Variants in MALRD1 observed in about 807,000 individuals in gnomAD.
MALRD1 encodes the protein MAM and LDL-receptor class A domain-containing protein 1.
A neutral mutation model predicts 242.1 loss-of-function variants in MALRD1; 247 were observed. The ratio of observed to expected loss-of-function variants is 1.02; its 90% CI spans 0.92 to 1.13. MALRD1 has a LOEUF of 1.13. Ranked by LOEUF, MALRD1 falls within the 50% of genes most tolerant of loss-of-function variation. The pLI is 0.00. For synonymous variants in MALRD1, 995 were observed against 866.6 expected (o/e 1.15, Z -2.60); for missense variants, 2,989 against 2,533.1 (o/e 1.18, Z -3.86).
intron 32 of MALRD1, among the ~76,000 whole-genome samples, chr10:19,546,787 C>G (rs1373884819): frequency 6.6e-6 from 1 of 152,090 alleles, no homozygotes; most frequent in Non-Finnish European, 1.5e-5. Context: ...ACCTGTGATC[C>G]TGATTTTCCA....
At chr10:19,582,194 T>C (rs1374212248) in intron 33 of MALRD1, among the ~76,000 whole-genome samples, 6 of 152,220 alleles carry the variant, frequency 3.9e-5, no homozygotes, top group Admixed American at 3.3e-4. Context: ...CTGATGGTAG[T>C]TTCTTTTGCT....
intron 32 of MALRD1, among the ~76,000 whole-genome samples, chr10:19,537,465 A>G (rs1050082889): frequency 5.3e-5 from 8 of 152,190 alleles, no homozygotes; most frequent in African/African-American, 1.9e-4. Flanking sequence ...GTGACTTCAC[A>G]TGATGGAAAA....
chr10:19,399,080 T>C (rs1440849920), intron 28 of MALRD1, among the ~76,000 whole-genome samples: 1 of 152,166 alleles, frequency 6.6e-6, no homozygotes, highest in East Asian at 1.9e-4. Context: ...TATTATAAGA[T>C]CTGAGAGAAG....
chr10:19,637,373 G>A (rs1313167995), intron 36 of MALRD1, among the ~76,000 whole-genome samples: 7 of 152,126 alleles, frequency 4.6e-5, no homozygotes, highest in Admixed American at 1.3e-4. Context: ...AATGATTAAG[G>A]ACAGTAGAAA....
intron 5 of MALRD1, among the ~76,000 whole-genome samples, chr10:19,110,118 C>T (rs1836624222): frequency 6.6e-6 from 1 of 152,210 alleles, no homozygotes; most frequent in Admixed American, 6.5e-5. Flanking sequence ...GGTGCTTTCC[C>T]TCAGCTGCTG....
chr10:19,488,754 G>T (rs1837339956), intron 29 of MALRD1: 2 of 223,754 alleles, frequency 8.9e-6, no homozygotes, highest in Admixed American at 4.9e-5. Context: ...TTTATTAGGG[G>T]GTTTGGATTT....
intron 24 of MALRD1, among the ~76,000 whole-genome samples, chr10:19,335,761 A>G (rs1005334571): frequency 1.3e-5 from 2 of 152,204 alleles, no homozygotes; most frequent in Non-Finnish European, 2.9e-5. Flanking sequence ...AGAATGAAAG[A>G]AATCAACTCT....
At chr10:19,086,258 C>A (rs1835665179) in intron 2 of MALRD1, among the ~76,000 whole-genome samples, 1 of 151,978 alleles carries the variant, frequency 6.6e-6, no homozygotes, top group Non-Finnish European at 1.5e-5. Flanking sequence ...CATAATTTTA[C>A]TATTGATTCT....
At position 19,251,805 on chromosome 10, in the gene MALRD1, G is replaced by C. The variant is rs114684072; in HGVS notation, c.2992-5879G>C. Among the ~76,000 whole-genome samples the C allele has an allele frequency of 4.4e-3, 664 of 152,112 alleles. 7 individuals are homozygous for C. Among genetic ancestry groups the C allele is most frequent in the African/African-American group, 0.015 (634 of 41,536 alleles). ...AATCCCCAGTGTTGGGGGCAGGACT[G>C]GTGAAAGTGATTGGATCATAGGGGC... On this transcript the variant is annotated intron_variant, in intron 18 of 39. Transcript: ENST00000454679.
At chr10:19,563,715 G>T (rs3852477) in intron 32 of MALRD1, among the ~76,000 whole-genome samples, 124,700 of 152,146 alleles carry the variant, frequency 0.82, 51,410 homozygotes, top group East Asian at 0.89. Context: ...CCTAATCATT[G>T]TCTTTCAAGG....
At chr10:19,609,496 G>T (rs556166193) in intron 35 of MALRD1, among the ~76,000 whole-genome samples, 1 of 151,874 alleles carries the variant, frequency 6.6e-6, no homozygotes, top group Admixed American at 6.6e-5. Flanking sequence ...TTCTTTTAAG[G>T]TCAGCATTTA....
intron 36 of MALRD1, among the ~76,000 whole-genome samples, chr10:19,659,171 T>G (rs1841306126): frequency 6.6e-6 from 1 of 152,216 alleles, no homozygotes; most frequent in Admixed American, 6.5e-5. Context: ...TGCTTTAGCC[T>G]TTATACTTCT....
chr10:19,581,265 A>T (rs1049180334), intron 33 of MALRD1, among the ~76,000 whole-genome samples: 2 of 151,358 alleles, frequency 1.3e-5, no homozygotes, highest in Non-Finnish European at 2.9e-5. Context: ...CATGTGCACA[A>T]TGTGCAGGTT....
chr10:19,466,882 A>AT (rs1280019070), intron 29 of MALRD1, among the ~76,000 whole-genome samples: 1 of 152,062 alleles, frequency 6.6e-6, no homozygotes, highest in African/African-American at 2.4e-5. Context: ...CAGGTGTGGA[A>AT]TTTTTCACTG....
intron 2 of MALRD1, among the ~76,000 whole-genome samples, chr10:19,074,160 G>C (rs1335069281): frequency 6.6e-6 from 1 of 152,070 alleles, no homozygotes; most frequent in South Asian, 2.1e-4. Context: ...CACCTGAACT[G>C]TTTCCTTGCC....
intron 31 of MALRD1, among the ~76,000 whole-genome samples, chr10:19,520,899 A>G (rs1364945444): frequency 6.6e-6 from 1 of 152,178 alleles, no homozygotes; most frequent in African/African-American, 2.4e-5. Context: ...TACCATCTGA[A>G]TCAGATACCC....
chr10:19,409,280 G>A (rs565545919), intron 28 of MALRD1, among the ~76,000 whole-genome samples: 1 of 152,144 alleles, frequency 6.6e-6, no homozygotes, highest in South Asian at 2.1e-4. Context: ...TGAAATGACC[G>A]AATTCCTTCA....
rs1478958785 is a variant in MALRD1, at chr10:19,491,533, G to A, written c.5046G>A (p.Glu1682=). The A allele has an allele frequency of 3.2e-6, 5 of 1,549,870 alleles. No homozygotes were observed. Among genetic ancestry groups the A allele is most frequent in the Admixed American group, 2.0e-5 (1 of 50,980 alleles). The change falls in exon 30 of 40, where the codon GAG becomes GAA. Residue 1682 remains glutamate, a synonymous_variant. Transcript: ENST00000454679. ...TTTCCCTAGTGGGAGAGATCTCTGA[G>A]CTTTGTCCGGAAATCACTGATTTTT... ...KNCTTVGEIS[E]LCPEITDFLC... is the part of the protein sequence containing the mutation.
intron 32 of MALRD1, among the ~76,000 whole-genome samples, chr10:19,533,449 AT>A (rs1235629990): frequency 2.0e-5 from 3 of 152,134 alleles, no homozygotes; most frequent in African/African-American, 7.2e-5. Flanking sequence ...TGGTGGGTGT[AT>A]TAGATCATTC....
Sources: gnomAD v4.1 joint callset for allele counts (sites outside exome capture counted in the v4.1 genomes callset) on GRCh38, gnomAD v4.1.1 for gene constraint, MANE v1.5 for transcripts, NCBI Gene and HGNC (gene_info 2026-07-23, HGNC 2026-07-21) for gene names.